SCAMP1: variants seen among roughly 807,000 people sequenced by gnomAD.
SCAMP1 encodes the protein secretory carrier-associated membrane protein 1.
In SCAMP1, 15 loss-of-function variants were observed where a neutral mutation model predicts 41.8. That is an observed-to-expected ratio of 0.36 (90% CI 0.24 to 0.55). SCAMP1 has a LOEUF of 0.55. Among genes scored for constraint, SCAMP1 ranks in the 20% least tolerant of loss-of-function variants. The probability of loss-of-function intolerance (pLI) is 0.86; values close to 1 mark genes in which losing one functional copy is unlikely to be tolerated. For missense variants in SCAMP1, 341 were observed against 412.6 expected, an observed-to-expected ratio of 0.83 and a Z score of 1.50; for synonymous variants, 135 against 136.8, an observed-to-expected ratio of 0.99 and a Z score of 0.09.
At chr5:78,379,867 C>T (rs1236717501) in intron 1 of SCAMP1, among the ~76,000 whole-genome samples, 1 of 152,148 alleles carries the variant, frequency 6.6e-6, no homozygotes, top group African/African-American at 2.4e-5. Flanking sequence ...TTCTATCTCC[C>T]TCCTTTTTTC....
intron 2 of SCAMP1, among the ~76,000 whole-genome samples, chr5:78,413,458 C>A (rs1752132071): frequency 1.4e-5 from 2 of 146,528 alleles, no homozygotes; most frequent in African/African-American, 5.1e-5. Flanking sequence ...CACTCTGTAG[C>A]CCAAGTTGGA....
chr5:78,449,211 CTTTA>C (rs1041625038), intron 6 of SCAMP1, among the ~76,000 whole-genome samples: 7 of 151,804 alleles, frequency 4.6e-5, no homozygotes, highest in African/African-American at 9.7e-5. Context: ...ACAATAATAA[CTTTA>C]TTTATAATAA....
chr5:78,412,017 G>A (rs1364780073), intron 2 of SCAMP1, among the ~76,000 whole-genome samples: 1 of 151,874 alleles, frequency 6.6e-6, no homozygotes, highest in Non-Finnish European at 1.5e-5. Flanking sequence ...GAAATTTTTT[G>A]TATGTTTATT....
chr5:78,474,220 C>T (rs778023180), intron 8 of SCAMP1, among the ~76,000 whole-genome samples: 8 of 151,996 alleles, frequency 5.3e-5, no homozygotes, highest in Non-Finnish European at 7.4e-5. Context: ...AAATCACCCC[C>T]GAAAAGGCCT....
intron 8 of SCAMP1, among the ~76,000 whole-genome samples, chr5:78,470,403 A>G (rs1753858504): frequency 6.6e-6 from 1 of 152,190 alleles, no homozygotes; most frequent in South Asian, 2.1e-4. Flanking sequence ...TATTTCATAT[A>G]AATGGAGTTA....
chr5:78,416,471 G>A (rs940713757), intron 3 of SCAMP1, 70 bp from the exon 4 acceptor site: 9 of 1,138,356 alleles, frequency 7.9e-6, no homozygotes, highest in Non-Finnish European at 1.1e-5. Context: ...AGAAGTAGGA[G>A]TTAGCATATA....
intron 1 of SCAMP1, among the ~76,000 whole-genome samples, chr5:78,363,358 G>A (rs921457276): frequency 5.3e-5 from 8 of 151,496 alleles, no homozygotes; most frequent in African/African-American, 1.7e-4. Flanking sequence ...GACTACAGGC[G>A]CCCGCCACCA....
Position 78,480,431 on chromosome 5 carries a change from T to C in SCAMP1, c.*4763T>C, listed in dbSNP as rs145371891. Among the ~76,000 whole-genome samples, 3 of 152,360 alleles carry C rather than the reference T, an allele frequency of 2.0e-5. No homozygotes were observed. The highest frequency in any genetic ancestry group is 7.2e-5 in the African/African-American group (3 of 41,586). ...GTAATTCTAGAATTCCTCCACAACT[T>C]TTAATATTTTGTATGCCAGTGATTC... On this transcript the variant is annotated 3_prime_UTR_variant, in exon 9 of 9. Transcript: ENST00000621999.
In SCAMP1 at chr5:78,480,454, T is replaced by A. The variant is rs1236732252; in HGVS notation, c.*4786T>A. On this transcript the variant is annotated 3_prime_UTR_variant, in exon 9 of 9. Transcript: ENST00000621999. ...CTTTTAATATTTTGTATGCCAGTGA[T>A]TCTCAAGATAAATCATGATTGTAGT... Among the ~76,000 whole-genome samples the A allele has an allele frequency of 6.6e-6, 1 of 152,260 alleles. No individual in the cohort carries two copies. Among genetic ancestry groups the A allele is most frequent in the African/African-American group, 2.4e-5 (1 of 41,470 alleles).
rs1196241461 is a variant in SCAMP1 at position 78,400,895 on chromosome 5, A to AGG, written c.135+11984_135+11985dup. On this transcript the variant is annotated intron_variant, in intron 2 of 8. Coordinates refer to ENST00000621999, the MANE Select transcript of SCAMP1 (RefSeq NM_004866.6). ...TACAATGTTGAAAAGGAGTGGTGAG[A>AGG]GGGGACATCCTTGCCTTTTTCCTGA... Among the ~76,000 whole-genome samples, 9 of 152,264 alleles carry AGG rather than the reference A, an allele frequency of 5.9e-5. No individual in the cohort carries two copies. The East Asian group carries it at 1.7e-3, about 29-fold the overall frequency.
At chr5:78,406,592 T>C (rs941453673) in intron 2 of SCAMP1, among the ~76,000 whole-genome samples, 3 of 152,218 alleles carry the variant, frequency 2.0e-5, no homozygotes, top group African/African-American at 4.8e-5. Context: ...TACTATATTA[T>C]AGAGCAGTCC....
chr5:78,453,325 C>G (rs11959013), intron 7 of SCAMP1, among the ~76,000 whole-genome samples: 2 of 146,426 alleles, frequency 1.4e-5, no homozygotes, highest in Admixed American at 6.7e-5. Context: ...TTAGGTCTAA[C>G]GTTTAAGTCT....
At chr5:78,408,810 G>A (rs921686680) in intron 2 of SCAMP1, among the ~76,000 whole-genome samples, 1 of 150,334 alleles carries the variant, frequency 6.7e-6, no homozygotes, top group Admixed American at 6.6e-5. Context: ...ATATTGCCCA[G>A]GCTGGTCTCA....
rs970810733 is a variant in SCAMP1, at chr5:78,448,775, C to T, written c.633-1158C>T. On this transcript the variant is annotated intron_variant, in intron 6 of 8. Transcript: ENST00000621999. Reference sequence around the variant, plus strand: ...CAGCACTTTGGGAGGCCGAGGCGGGCAGATCACCTGAGGTTGGGAGTTCGA... The same window carrying T: ...CAGCACTTTGGGAGGCCGAGGCGGGTAGATCACCTGAGGTTGGGAGTTCGA... Among the ~76,000 whole-genome samples the T allele has an allele frequency of 6.6e-5, 10 of 151,970 alleles. No individual in the cohort carries two copies. The East Asian group carries it at 1.9e-3, about 29-fold the overall frequency.
intron 6 of SCAMP1, among the ~76,000 whole-genome samples, chr5:78,433,296 C>T (rs1440762717): frequency 6.6e-6 from 1 of 151,912 alleles, no homozygotes; most frequent in Non-Finnish European, 1.5e-5. Context: ...CTTTTTATGC[C>T]TCATAATTTC....
Position 78,459,367 on chromosome 5 carries a change from G to A in SCAMP1, c.852+5G>A, listed in dbSNP as rs1486692538. On this transcript the variant is annotated splice_donor_5th_base_variant and intron_variant, in intron 8 of 8. Coordinates refer to ENST00000621999, the MANE Select transcript of SCAMP1 (RefSeq NM_004866.6). ...TCACTAGTTATGTTCAAAAAAGTAA[G>A]TGAAATTTTATGTCTAAATTTTTAT... 1.4e-6 allele frequency: 2 copies of A among 1,392,004 alleles called. No homozygotes were observed. Among genetic ancestry groups the A allele is most frequent in the Non-Finnish European group, 1.0e-6 (1 of 988,744 alleles). 86.2% of individuals were successfully genotyped at this position (1,392,004 alleles called of 1,614,324 possible).
chr5:78,391,279 G>A, intron 2 of SCAMP1, among the ~76,000 whole-genome samples: 1 of 151,462 alleles, frequency 6.6e-6, no homozygotes, highest in East Asian at 2.0e-4. Context: ...GCCGGGCGGG[G>A]GGCTGACCCC....
chr5:78,409,246 CGTTA>C (rs1752008433), intron 2 of SCAMP1, among the ~76,000 whole-genome samples: 1 of 151,906 alleles, frequency 6.6e-6, no homozygotes, highest in Non-Finnish European at 1.5e-5. Context: ...TTTCTTGTTG[CGTTA>C]GTTGTGTATT....
At chr5:78,366,722 A>G (rs1750805669) in intron 1 of SCAMP1, among the ~76,000 whole-genome samples, 1 of 152,176 alleles carries the variant, frequency 6.6e-6, no homozygotes. Flanking sequence ...TTGATAGCTC[A>G]TGCTTGTAAT....
Sources: allele counts gnomAD v4.1 joint callset (sites outside exome capture counted in the v4.1 genomes callset), GRCh38; gene constraint gnomAD v4.1.1; transcripts MANE v1.5; gene names NCBI Gene and HGNC (gene_info 2026-07-23, HGNC 2026-07-21).